Variants in NEDD4L observed in about 807,000 individuals in gnomAD.
NEDD4L encodes E3 ubiquitin-protein ligase NEDD4-like.
A neutral mutation model predicts 148.9 loss-of-function variants in NEDD4L; 54 were observed. The ratio of observed to expected loss-of-function variants is 0.36; its 90% CI spans 0.29 to 0.45. The LOEUF is 0.45. Among genes scored for constraint, NEDD4L ranks in the 20% least tolerant of loss-of-function variants. NEDD4L has a pLI of 1.00. For synonymous variants in NEDD4L, 433 were observed against 440.7 expected, an observed-to-expected ratio of 0.98 and a Z score of 0.22; for missense variants, 856 against 1,233.8, an observed-to-expected ratio of 0.69 and a Z score of 4.59.
chr18:58,391,481 G>A lies in NEDD4L; in HGVS notation c.2753-6G>A. The A allele has an allele frequency of 6.4e-7, 1 of 1,569,200 alleles. No homozygotes were observed. The highest frequency in any genetic ancestry group is 8.7e-7 in the Non-Finnish European group (1 of 1,155,112). On this transcript the variant is annotated splice_region_variant and splice_polypyrimidine_tract_variant and intron_variant, in intron 29 of 30. Coordinates refer to ENST00000400345, the MANE Select transcript of NEDD4L (RefSeq NM_001144967.3). ...TCTTAACATTTCTTTTTCTTTTCTT[G>A]TCTAGGTTCCAATGGTCCTCAGCTG...
chr18:58,341,628 A>T (rs764521151), intron 14 of NEDD4L, 50 bp from the exon 15 acceptor site: 2 of 1,579,482 alleles, frequency 1.3e-6, no homozygotes, highest in Admixed American at 1.8e-5. Flanking sequence ...CTAATCACAC[A>T]CACCGGGAGA....
intron 16 of NEDD4L, among the ~76,000 whole-genome samples, chr18:58,344,516 A>AT (rs2042810846): frequency 6.6e-6 from 1 of 152,156 alleles, no homozygotes. Context: ...AGCTCTTTCT[A>AT]TTTTGAAGTA....
chr18:58,380,565 C>G (rs570549463), intron 24 of NEDD4L, among the ~76,000 whole-genome samples: 1 of 152,110 alleles, frequency 6.6e-6, no homozygotes, highest in African/African-American at 2.4e-5. Flanking sequence ...ATCTGCCCAC[C>G]TCGGCCTCCC....
rs1255099124 is a variant in NEDD4L, at chr18:58,100,644, T to G, written c.48+55936T>G. 2.6e-5 allele frequency among the ~76,000 whole-genome samples: 4 copies of G among 152,132 alleles called. No individual in the cohort carries two copies. The South Asian group carries it at 6.2e-4, about 24-fold the overall frequency. ...TTTGACTTGTTCATAAACCAGGCTC[T>G]CTCTCATAGTGGGCAAGGCCTTAAA... is the stretch of plus-strand genomic sequence containing the variant. On this transcript the variant is annotated intron_variant, in intron 1 of 30. Coordinates refer to ENST00000400345, the MANE Select transcript of NEDD4L (RefSeq NM_001144967.3).
At chr18:58,121,708 C>T (rs1016374919) in intron 1 of NEDD4L, among the ~76,000 whole-genome samples, 1 of 152,160 alleles carries the variant, frequency 6.6e-6, no homozygotes, top group African/African-American at 2.4e-5. Flanking sequence ...CACACCTGGC[C>T]AACTATATGT....
At chr18:58,125,006 A>G (rs1394050391) in intron 1 of NEDD4L, among the ~76,000 whole-genome samples, 1 of 152,200 alleles carries the variant, frequency 6.6e-6, no homozygotes, top group Non-Finnish European at 1.5e-5. Flanking sequence ...GGGTTCAGGC[A>G]GTCCTCCCAC....
At chr18:58,156,575 T>C (rs1256019987) in intron 1 of NEDD4L, among the ~76,000 whole-genome samples, 1 of 152,124 alleles carries the variant, frequency 6.6e-6, no homozygotes, top group Non-Finnish European at 1.5e-5. Flanking sequence ...CATCAGGGGC[T>C]ATCTGGTTCA....
intron 5 of NEDD4L, among the ~76,000 whole-genome samples, chr18:58,255,112 C>T (rs781415799): frequency 1.3e-5 from 2 of 152,114 alleles, no homozygotes; most frequent in African/African-American, 2.4e-5. Flanking sequence ...CATGCCAGGT[C>T]CCTGCACTGG....
chr18:58,151,510 A>G (rs755092013), intron 1 of NEDD4L, among the ~76,000 whole-genome samples: 26 of 152,344 alleles, frequency 1.7e-4, no homozygotes, highest in Non-Finnish European at 3.1e-4. Context: ...GTAGGTGCTC[A>G]GTAAAGCTTG....
At chr18:58,180,018 C>T (rs1049658880) in intron 2 of NEDD4L, among the ~76,000 whole-genome samples, 6 of 152,166 alleles carry the variant, frequency 3.9e-5, no homozygotes, top group Admixed American at 2.0e-4. Context: ...CCTCAAGCAG[C>T]GTCCATATCT....
intron 24 of NEDD4L, among the ~76,000 whole-genome samples, chr18:58,377,859 C>G (rs1477251997): frequency 6.6e-6 from 1 of 152,232 alleles, no homozygotes; most frequent in Non-Finnish European, 1.5e-5. Flanking sequence ...TTCTCAATGC[C>G]TCAGCCTGCT....
chr18:58,308,527 C>T (rs1289505704), intron 5 of NEDD4L, among the ~76,000 whole-genome samples: 3 of 152,210 alleles, frequency 2.0e-5, no homozygotes, highest in Non-Finnish European at 4.4e-5. Flanking sequence ...AAGAGGCAGT[C>T]GTTTCCCCTA....
At chr18:58,092,762 A>C (rs976011262) in intron 1 of NEDD4L, among the ~76,000 whole-genome samples, 1 of 150,616 alleles carries the variant, frequency 6.6e-6, no homozygotes, top group Non-Finnish European at 1.5e-5. Flanking sequence ...GCAAAATTTC[A>C]GTTTATGTGG....
At chr18:58,303,043 G>A (rs2149272848) in intron 5 of NEDD4L, among the ~76,000 whole-genome samples, 1 of 152,350 alleles carries the variant, frequency 6.6e-6, no homozygotes, top group Middle Eastern at 3.4e-3. Flanking sequence ...GTAGACACCT[G>A]CCGTCAGCAC....
intron 24 of NEDD4L, among the ~76,000 whole-genome samples, chr18:58,380,128 A>G (rs1201381189): frequency 1.3e-5 from 2 of 151,958 alleles, no homozygotes; most frequent in Non-Finnish European, 2.9e-5. Flanking sequence ...TAAAGCCAGT[A>G]TAATAAAAAT....
At chr18:58,296,013 A>G (rs181368353) in intron 5 of NEDD4L, among the ~76,000 whole-genome samples, 1 of 152,300 alleles carries the variant, frequency 6.6e-6, no homozygotes, top group Non-Finnish European at 1.5e-5. Context: ...GGCACACACC[A>G]AAAGGCTTTG....
chr18:58,190,799 C>G (rs1689374522), intron 2 of NEDD4L, among the ~76,000 whole-genome samples: 1 of 152,166 alleles, frequency 6.6e-6, no homozygotes, highest in Non-Finnish European at 1.5e-5. Flanking sequence ...TTATTTAAAT[C>G]TGTCTTTTTC....
chr18:58,184,418 G>C (rs970042130), intron 2 of NEDD4L, among the ~76,000 whole-genome samples: 2 of 152,058 alleles, frequency 1.3e-5, no homozygotes, highest in Non-Finnish European at 2.9e-5. Context: ...AGATTACCGA[G>C]AGGCCTTGCT....
intron 21 of NEDD4L, chr18:58,367,124 C>A (rs997544189): frequency 1.3e-5 from 2 of 152,418 alleles, no homozygotes; most frequent in East Asian, 1.9e-4. Context: ...TTCAAAGATA[C>A]CCCCACCCCG....
Sources: allele counts gnomAD v4.1 joint callset (sites outside exome capture counted in the v4.1 genomes callset), GRCh38; gene constraint gnomAD v4.1.1; transcripts MANE v1.5; gene names NCBI Gene and HGNC (gene_info 2026-07-23, HGNC 2026-07-21).